The following NME5 variants were observed in gnomAD, a reference collection of about 807,000 sequenced individuals.
NME5 encodes nucleoside diphosphate kinase 5.
In NME5, 18 loss-of-function variants were observed where a neutral mutation model predicts 21.6. The observed-to-expected ratio is 0.83, with a 90% CI of 0.58 to 1.24. NME5 has a LOEUF of 1.24. NME5 is among the 50% of genes most tolerant of loss of function. The pLI, the probability that NME5 is intolerant of heterozygous loss-of-function variation, is 0.00. For missense variants in NME5, 223 were observed against 255.4 expected, an observed-to-expected ratio of 0.87 and a Z score of 0.86; for synonymous variants, 70 against 80.6, an observed-to-expected ratio of 0.87 and a Z score of 0.71.
chr5:138,134,404 C>G (rs977822342), intron 2 of NME5, among the ~76,000 whole-genome samples: 3 of 152,066 alleles, frequency 2.0e-5, no homozygotes, highest in Non-Finnish European at 4.4e-5. Context: ...CCACCACGCC[C>G]GGCTAATTTT....
chr5:138,120,424 G>C (rs1289731793), intron 4 of NME5, among the ~76,000 whole-genome samples: 1 of 151,838 alleles, frequency 6.6e-6, no homozygotes, highest in Non-Finnish European at 1.5e-5. Context: ...TTTTTTAGTA[G>C]AGACGGGGTT....
chr5:138,123,098 G>A (rs1468472425), intron 4 of NME5: 1 of 152,040 alleles, frequency 6.6e-6, no homozygotes, highest in East Asian at 1.9e-4. Flanking sequence ...TAGCATATGT[G>A]CTGAAGTGAG....
chr5:138,124,819 C>G (rs147946714), intron 4 of NME5, among the ~76,000 whole-genome samples: 2 of 152,314 alleles, frequency 1.3e-5, no homozygotes, highest in African/African-American at 4.8e-5. Context: ...CCATGCCAGG[C>G]TAGGGCTGAA....
At chr5:138,133,933 C>T (rs1480444045) in intron 2 of NME5, among the ~76,000 whole-genome samples, 2 of 152,120 alleles carry the variant, frequency 1.3e-5, no homozygotes, top group African/African-American at 4.8e-5. Context: ...TGTGAATGTA[C>T]TTAATGCAAC....
At chr5:138,126,308 G>A (rs545690246) in intron 4 of NME5, among the ~76,000 whole-genome samples, 4 of 151,614 alleles carry the variant, frequency 2.6e-5, no homozygotes, top group East Asian at 3.9e-4. Flanking sequence ...CCAAGAGTTC[G>A]AGACTGGCCT....
chr5:138,137,611 C>G (rs182052181), intron 2 of NME5, among the ~76,000 whole-genome samples: 1 of 151,692 alleles, frequency 6.6e-6, no homozygotes, highest in African/African-American at 2.4e-5. Flanking sequence ...CCACCGTACC[C>G]GCCATTTTCT....
At chr5:138,119,873 A>T (rs1356877114) in intron 4 of NME5, among the ~76,000 whole-genome samples, 4 of 151,458 alleles carry the variant, frequency 2.6e-5, no homozygotes, top group Non-Finnish European at 5.9e-5. Flanking sequence ...AGTTCTTTAT[A>T]TTATTTGGTG....
At chr5:138,124,334 T>C (rs1425889494) in intron 4 of NME5, among the ~76,000 whole-genome samples, 1 of 152,030 alleles carries the variant, frequency 6.6e-6, no homozygotes, top group African/African-American at 2.4e-5. Context: ...TGTTGGTTAT[T>C]TGTATGTCTT....
chr5:138,136,673 G>A (rs1215474628), intron 2 of NME5, among the ~76,000 whole-genome samples: 2 of 150,680 alleles, frequency 1.3e-5, no homozygotes, highest in Admixed American at 6.6e-5. Context: ...CGAGAGTTTC[G>A]CTCTTGTTGC....
intron 2 of NME5, among the ~76,000 whole-genome samples, chr5:138,133,396 C>A (rs911481777): frequency 6.6e-6 from 1 of 152,008 alleles, no homozygotes; most frequent in South Asian, 2.1e-4. Context: ...TGAGCCACCG[C>A]GCCCGGCCTT....
intron 2 of NME5, among the ~76,000 whole-genome samples, chr5:138,131,205 A>T (rs1247847576): frequency 7.7e-5 from 4 of 52,020 alleles, no homozygotes; most frequent in Admixed American, 7.1e-4. Context: ...CGTCTCTGCT[A>T]AAAAAAAAAA....
intron 3 of NME5, 45 bp from the exon 4 acceptor site, chr5:138,128,624 T>G (rs1357275385): frequency 7.3e-7 from 1 of 1,375,968 alleles, no homozygotes; most frequent in African/African-American, 1.5e-5. Context: ...TAACGTCTAT[T>G]CCTTACTTTA....
At chr5:138,129,537 A>C in intron 2 of NME5, 69 bp from the exon 3 acceptor site, 2 of 1,110,302 alleles carry the variant, frequency 1.8e-6, no homozygotes, top group Non-Finnish European at 1.4e-6. Flanking sequence ...TAAAATCATT[A>C]GTAACTTGAA....
chr5:138,117,941 G>A (rs191800832), intron 5 of NME5, among the ~76,000 whole-genome samples: 103 of 151,768 alleles, frequency 6.8e-4, no homozygotes, highest in Non-Finnish European at 1.3e-3. Context: ...CCCAGATTGC[G>A]CCTCTGCATT....
intron 4 of NME5, among the ~76,000 whole-genome samples, chr5:138,125,350 T>G (rs1287124087): frequency 6.6e-6 from 1 of 152,202 alleles, no homozygotes; most frequent in Non-Finnish European, 1.5e-5. Context: ...AAACTTTGAA[T>G]TAGCCATTTA....
At chr5:138,137,927 C>G (rs181240902) in intron 2 of NME5, among the ~76,000 whole-genome samples, 1 of 151,676 alleles carries the variant, frequency 6.6e-6, no homozygotes, top group Non-Finnish European at 1.5e-5. Flanking sequence ...TGAACCGGGA[C>G]CTGGAAGGCA....
Position 138,128,584 on chromosome 5 carries a change from A to C in NME5, c.336-5T>G. ...GTGCCATAAATTGCCCTCAGACTAA[A>C]AACAAGTTAGAGATGACGTCCATCC... On this transcript the variant is annotated splice_polypyrimidine_tract_variant and splice_region_variant and intron_variant, in intron 3 of 5. Transcript: ENST00000265191. 2.5e-6 allele frequency: 4 copies of C among 1,601,626 alleles called. No individual in the cohort carries two copies. Among genetic ancestry groups the C allele is most frequent in the Non-Finnish European group, 3.4e-6 (4 of 1,172,852 alleles).
At chr5:138,138,608 G>T in intron 2 of NME5, 44 bp downstream of exon 2, 2 of 1,563,488 alleles carry the variant, frequency 1.3e-6, no homozygotes, top group African/African-American at 1.4e-5. Context: ...TTTTTTTTAA[G>T]GGCAGAGAGG....
chr5:138,124,876 G>A (rs894371050), intron 4 of NME5, among the ~76,000 whole-genome samples: 91 of 152,074 alleles, frequency 6.0e-4, no homozygotes, highest in African/African-American at 2.1e-3. Flanking sequence ...TTCTTACATG[G>A]ATGAACTTTA....
Sources: gnomAD v4.1 joint callset for allele counts (sites outside exome capture counted in the v4.1 genomes callset) on GRCh38, gnomAD v4.1.1 for gene constraint, MANE v1.5 for transcripts, NCBI Gene and HGNC (gene_info 2026-07-23, HGNC 2026-07-21) for gene names.